The following STAC variants were observed in gnomAD, a reference collection of about 807,000 sequenced individuals.
The protein encoded by STAC is SH3 and cysteine rich domain.
A neutral mutation model predicts 48.8 loss-of-function variants in STAC; 43 were observed. The observed-to-expected ratio is 0.88, with a 90% CI of 0.69 to 1.14. STAC has a LOEUF of 1.14. Among genes scored for constraint, STAC ranks in the 50% most tolerant of loss-of-function variants. The pLI, the probability that STAC is intolerant of heterozygous loss-of-function variation, is 0.00. For synonymous variants in STAC, 193 were observed against 179.5 expected (o/e 1.07, Z -0.60); for missense variants, 497 against 504.0 (o/e 0.99, Z 0.13).
chr3:36,420,200 G>A (rs1383180523), intron 1 of STAC, among the ~76,000 whole-genome samples: 1 of 152,174 alleles, frequency 6.6e-6, no homozygotes, highest in African/African-American at 2.4e-5. Context: ...CTACCAGATA[G>A]TGTGGATCAG....
At chr3:36,508,797 A>G (rs1211605943) in intron 8 of STAC, among the ~76,000 whole-genome samples, 1 of 151,538 alleles carries the variant, frequency 6.6e-6, no homozygotes, top group Non-Finnish European at 1.5e-5. Context: ...CTTTATTTTG[A>G]GCCTATGTGT....
chr3:36,468,160 G>C (rs1209697198), intron 2 of STAC, among the ~76,000 whole-genome samples: 1 of 151,912 alleles, frequency 6.6e-6, no homozygotes, highest in Non-Finnish European at 1.5e-5. Flanking sequence ...TGGTTTCAAG[G>C]GTTCCTTTTG....
At chr3:36,514,682 GAA>G (rs1360874788) in intron 8 of STAC, among the ~76,000 whole-genome samples, 1 of 152,120 alleles carries the variant, frequency 6.6e-6, no homozygotes, top group Non-Finnish European at 1.5e-5. Flanking sequence ...GAGATTAAAT[GAA>G]CTAATGCTAT....
chr3:36,439,385 C>T (rs955189634), intron 1 of STAC, among the ~76,000 whole-genome samples: 1 of 152,158 alleles, frequency 6.6e-6, no homozygotes, highest in African/African-American at 2.4e-5. Context: ...AGAGGGCTCT[C>T]CCACACATTA....
intron 2 of STAC, among the ~76,000 whole-genome samples, chr3:36,451,853 T>G (rs1396852968): frequency 3.3e-5 from 5 of 152,246 alleles, no homozygotes; most frequent in Non-Finnish European, 7.3e-5. Context: ...TTCAGTAATA[T>G]TTTATCAAGA....
At chr3:36,431,499 A>G (rs1319906243) in intron 1 of STAC, among the ~76,000 whole-genome samples, 2 of 152,200 alleles carry the variant, frequency 1.3e-5, no homozygotes, top group African/African-American at 4.8e-5. Context: ...CTGGGCAGGC[A>G]GGGGCTCTCT....
chr3:36,529,112 T>C lies in STAC; in HGVS notation c.1110+127T>C, dbSNP rs370981732. On this transcript the variant is annotated intron_variant, in intron 10 of 10. Transcript: ENST00000273183. ...AAAGTATTCACTTTGAGAAAAGATA[T>C]ACTTACTCCAATGATGTCAGTGTTG... is the stretch of plus-strand genomic sequence containing the variant. 5.7e-4 allele frequency: 574 copies of C among 998,946 alleles called. 10 individuals carry two copies. The South Asian group carries it at 0.013, about 22-fold the overall frequency. The allele number at this position is 998,946 out of a possible 1,614,324, so 61.9% of individuals were successfully genotyped here.
chr3:36,400,221 T>A (rs890076294), intron 1 of STAC, among the ~76,000 whole-genome samples: 1 of 152,192 alleles, frequency 6.6e-6, no homozygotes, highest in Admixed American at 6.5e-5. Context: ...TTCAGATAGA[T>A]AATAGAGAGA....
At chr3:36,406,407 A>G (rs959514863) in intron 1 of STAC, among the ~76,000 whole-genome samples, 2 of 152,202 alleles carry the variant, frequency 1.3e-5, no homozygotes, top group African/African-American at 2.4e-5. Flanking sequence ...TTGGCAAAAG[A>G]GCATGGGGCC....
intron 1 of STAC, among the ~76,000 whole-genome samples, chr3:36,439,250 A>C (rs1330063908): frequency 6.6e-6 from 1 of 152,162 alleles, no homozygotes; most frequent in Non-Finnish European, 1.5e-5. Flanking sequence ...TCTTCACTGA[A>C]TGGTTGGGAG....
At chr3:36,458,050 T>G (rs1008726614) in intron 2 of STAC, among the ~76,000 whole-genome samples, 8 of 152,204 alleles carry the variant, frequency 5.3e-5, no homozygotes, top group Non-Finnish European at 1.0e-4. Context: ...GGAAAAGATG[T>G]AGTAGAGCAA....
intron 2 of STAC, among the ~76,000 whole-genome samples, chr3:36,468,865 C>A (rs566246156): frequency 1.3e-5 from 2 of 151,114 alleles, no homozygotes; most frequent in African/African-American, 4.9e-5. Flanking sequence ...TTTTTAACTG[C>A]ATTTGCTTTA....
chr3:36,423,315 G>T (rs1001657495), intron 1 of STAC, among the ~76,000 whole-genome samples: 4 of 151,904 alleles, frequency 2.6e-5, no homozygotes, highest in Admixed American at 2.0e-4. Context: ...TACCGAGGAA[G>T]AAAATTAAAA....
chr3:36,389,190 T>C (rs1318396896), intron 1 of STAC, among the ~76,000 whole-genome samples: 5 of 152,198 alleles, frequency 3.3e-5, no homozygotes, highest in Admixed American at 1.3e-4. Flanking sequence ...CCAACTGTCT[T>C]GGTCCATTCA....
At chr3:36,404,827 C>T (rs560401967) in intron 1 of STAC, among the ~76,000 whole-genome samples, 1 of 152,058 alleles carries the variant, frequency 6.6e-6, no homozygotes, top group Non-Finnish European at 1.5e-5. Flanking sequence ...GAATTATACG[C>T]ACCAAACTGT....
At chr3:36,455,260 T>C (rs1696820359) in intron 2 of STAC, among the ~76,000 whole-genome samples, 1 of 152,186 alleles carries the variant, frequency 6.6e-6, no homozygotes, top group Non-Finnish European at 1.5e-5. Flanking sequence ...AATAGAAATA[T>C]TGCCCAGGTC....
intron 1 of STAC, among the ~76,000 whole-genome samples, chr3:36,425,970 T>C (rs889544535): frequency 6.6e-6 from 1 of 152,104 alleles, no homozygotes; most frequent in Admixed American, 6.5e-5. Context: ...GGGCAGAGGT[T>C]GCAGTAAGCT....
chr3:36,380,815 C>A, intron 1 of STAC, 61 bp downstream of exon 1: 1 of 1,342,000 alleles, frequency 7.5e-7, no homozygotes, highest in Non-Finnish European at 1.0e-6. Flanking sequence ...GTCGGTCCAG[C>A]TTTGTCTCTC....
At chr3:36,518,927 G>A (rs1212113171) in intron 8 of STAC, among the ~76,000 whole-genome samples, 1 of 152,216 alleles carries the variant, frequency 6.6e-6, no homozygotes, top group East Asian at 1.9e-4. Context: ...CAGGGGACCA[G>A]CAGAAGAGTA....
Sources: allele counts gnomAD v4.1 joint callset (sites outside exome capture counted in the v4.1 genomes callset), GRCh38; gene constraint gnomAD v4.1.1; transcripts MANE v1.5; gene names NCBI Gene and HGNC (gene_info 2026-07-23, HGNC 2026-07-21).